PCDHGA7: variants seen among roughly 807,000 people sequenced by gnomAD.
PCDHGA7 encodes the protein protocadherin gamma subfamily A, 7, also known as protocadherin gamma-A7.
A neutral mutation model predicts 58.3 loss-of-function variants in PCDHGA7; 44 were observed. The ratio of observed to expected loss-of-function variants is 0.75; its 90% confidence interval spans 0.59 to 0.97. The LOEUF (loss-of-function observed/expected upper bound fraction) is 0.97. Among genes scored for constraint, PCDHGA7 ranks in the 50% least tolerant of loss-of-function variants. The probability of loss-of-function intolerance (pLI) is 0.00; values close to 1 mark genes in which losing one functional copy is unlikely to be tolerated. For missense variants in PCDHGA7, 1,266 were observed against 1,188.7 expected (o/e 1.06, Z -0.96); for synonymous variants, 516 against 504.2 (o/e 1.02, Z -0.31).
At chr5:141,394,235 G>C (rs1444438979) in intron 1 of PCDHGA7, 1 of 1,613,820 alleles carries the variant, frequency 6.2e-7, no homozygotes, top group South Asian at 1.1e-5. Flanking sequence ...TCTTTTCCTT[G>C]ACTGCACACG....
chr5:141,457,279 G>A (rs948609305), intron 1 of PCDHGA7, among the ~76,000 whole-genome samples: 2 of 152,190 alleles, frequency 1.3e-5, no homozygotes, highest in African/African-American at 4.8e-5. Flanking sequence ...GTGGGCCTAC[G>A]AAGTTCCTTG....
intron 1 of PCDHGA7, among the ~76,000 whole-genome samples, chr5:141,456,572 C>T (rs958661783): frequency 6.6e-6 from 1 of 152,168 alleles, no homozygotes; most frequent in Non-Finnish European, 1.5e-5. Flanking sequence ...CCACATTTTC[C>T]CTGAGCCTGT....
chr5:141,428,744 T>C (rs939886054), intron 1 of PCDHGA7: 10 of 155,306 alleles, frequency 6.4e-5, no homozygotes, highest in African/African-American at 2.4e-4. Context: ...ATATCTACTA[T>C]TGCTTCAGGT....
chr5:141,389,457 G>A, intron 1 of PCDHGA7: 1 of 1,613,220 alleles, frequency 6.2e-7, no homozygotes, highest in Non-Finnish European at 8.5e-7. Context: ...GCAGCTGCGC[G>A]CCTTCGAACT....
rs765263883 is a variant in PCDHGA7 at position 141,491,018 on chromosome 5, C to T, written c.2425-3789C>T. On this transcript the variant is annotated intron_variant, in intron 1 of 3. Coordinates refer to ENST00000518325, the MANE Select transcript of PCDHGA7 (RefSeq NM_018920.4). This position sits in a 1 kb window ranked among gnomAD's most constrained non-coding sequence, Gnocchi z 6.9. The stretch of plus-strand genomic sequence containing the variant: ...CCTGGCTCCTTGGTCACCAAGGTGA[C>T]AGCCGTGGATGCTGATGCAGGCCAC... 1.2e-6 allele frequency: 2 copies of T among 1,614,146 alleles called. No individual in the cohort carries two copies. The highest frequency in any genetic ancestry group is 1.7e-6 in the Non-Finnish European group (2 of 1,180,042).
rs375487349 is a variant in PCDHGA7 at position 141,383,260 on chromosome 5, G to A, written c.361G>A (p.Val121Met). The A allele has an allele frequency of 7.3e-5, 118 of 1,613,782 alleles. 1 individual carries two copies. In the East Asian group the frequency reaches 2.5e-3, roughly 35 times the overall value. Residue 121 changes from valine to methionine, a missense_variant, in exon 1 of 4, where the codon GTG (valine) becomes ATG (methionine). Coordinates refer to ENST00000518325, the MANE Select transcript of PCDHGA7 (RefSeq NM_018920.4). The stretch of plus-strand genomic sequence containing the variant: ...TAAAATGAATCTTTACCCTATAGAC[G>A]TGGAAATAATAGATATTAATGACAA... ...EDKMNLYPID[V>M]EIIDINDNVP...
intron 1 of PCDHGA7, among the ~76,000 whole-genome samples, chr5:141,467,087 C>T (rs1159093881): frequency 3.4e-5 from 5 of 147,240 alleles, no homozygotes; most frequent in African/African-American, 1.3e-4. Context: ...AAGTCTCACT[C>T]TGTCACACAG....
At chr5:141,414,897 C>G in intron 1 of PCDHGA7, 1 of 1,614,230 alleles carries the variant, frequency 6.2e-7, no homozygotes, top group Non-Finnish European at 8.5e-7. Flanking sequence ...TCCCCACAGA[C>G]GGTTCCACAG....
chr5:141,402,610 G>A (rs900326336), intron 1 of PCDHGA7, among the ~76,000 whole-genome samples: 1 of 152,168 alleles, frequency 6.6e-6, no homozygotes, highest in Admixed American at 6.5e-5. Context: ...AAATACAAAT[G>A]CAAGAAACAA....
At chr5:141,473,501 G>C (rs1053399138) in intron 1 of PCDHGA7, among the ~76,000 whole-genome samples, 7 of 152,188 alleles carry the variant, frequency 4.6e-5, no homozygotes, top group African/African-American at 1.7e-4. Context: ...GGTGTTCTGA[G>C]AGAGCATAAC....
intron 1 of PCDHGA7, among the ~76,000 whole-genome samples, chr5:141,446,120 T>C (rs2098489182): frequency 6.6e-6 from 1 of 152,196 alleles, no homozygotes; most frequent in Admixed American, 6.5e-5. Flanking sequence ...AGGAAATGGG[T>C]TCAATAAGAC....
chr5:141,487,356 C>T lies in PCDHGA7; in HGVS notation c.2425-7451C>T. 6.2e-7 allele frequency: 1 copy of T among 1,614,220 alleles called. No individual in the cohort carries two copies. The highest frequency in any genetic ancestry group is 8.5e-7 in the Non-Finnish European group (1 of 1,180,042). ...GCCTGTGGAGTCACATGCTTTCCTG[C>T]TGGCACCTGTGCCTGTCTCACCAGA... On this transcript the variant is annotated intron_variant, in intron 1 of 3. Transcript: ENST00000518325. This position sits in a 1 kb window ranked among gnomAD's most constrained non-coding sequence, Gnocchi z 5.0.
At chr5:141,494,305 C>T (rs544773836) in intron 1 of PCDHGA7, among the ~76,000 whole-genome samples, 1 of 152,346 alleles carries the variant, frequency 6.6e-6, no homozygotes, top group East Asian at 1.9e-4. Context: ...GAATGTGTCA[C>T]TGCACAACCT....
At position 141,490,591 on chromosome 5, in the gene PCDHGA7, G is replaced by A; in HGVS notation, c.2425-4216G>A. 1 of 1,614,100 alleles carries A rather than the reference G, an allele frequency of 6.2e-7. No homozygotes were observed. Among genetic ancestry groups the A allele is most frequent in the African/African-American group, 1.3e-5 (1 of 75,016 alleles). ...CAACATTTCAGATGTCAATGACAAT[G>A]CACCCCGCTTCAACCAGCAGCTTTA... On this transcript the variant is annotated intron_variant, in intron 1 of 3. Coordinates refer to ENST00000518325, the MANE Select transcript of PCDHGA7 (RefSeq NM_018920.4). This position sits in a 1 kb window ranked among gnomAD's most constrained non-coding sequence, Gnocchi z 5.4.
At chr5:141,414,099 A>G in intron 1 of PCDHGA7, 1 of 1,593,504 alleles carries the variant, frequency 6.3e-7, no homozygotes, top group Non-Finnish European at 8.5e-7. Flanking sequence ...TAAAAATATC[A>G]GAAAATCTAG....
At position 141,382,921 on chromosome 5, in the gene PCDHGA7, G is replaced by C. The variant is rs774998092; in HGVS notation, c.22G>C (p.Gly8Arg). ...GACTATGGCGGCTCAGCCGAGGGGCGGGGACTACAGAGGATTCTTCCTGCT... is the reference window on the plus strand; with the variant it reads ...GACTATGGCGGCTCAGCCGAGGGGCCGGGACTACAGAGGATTCTTCCTGCT... MAAQPRG[G>R]DYRGFFLLSI... is the part of the protein sequence containing the mutation. Residue 8 changes from glycine to arginine, a missense_variant, in exon 1 of 4, where the codon GGG becomes CGG. Coordinates refer to ENST00000518325, the MANE Select transcript of PCDHGA7 (RefSeq NM_018920.4). 2.6e-6 allele frequency: 4 copies of C among 1,560,206 alleles called. No individual in the cohort carries two copies. Among genetic ancestry groups the C allele is most frequent in the East Asian group, 2.3e-5 (1 of 44,182 alleles).
intron 1 of PCDHGA7, among the ~76,000 whole-genome samples, chr5:141,430,066 G>C (rs550834063): frequency 6.6e-6 from 1 of 151,984 alleles, no homozygotes; most frequent in Non-Finnish European, 1.5e-5. Flanking sequence ...TCATTTTTAG[G>C]TTTCCATAAT....
At chr5:141,426,937 C>T in intron 1 of PCDHGA7, 1 of 456,736 alleles carries the variant, frequency 2.2e-6, no homozygotes, top group Non-Finnish European at 4.4e-6. Flanking sequence ...ATGGGTGACC[C>T]AGTCCCAACT....
intron 1 of PCDHGA7, chr5:141,399,207 A>T (rs771939823): frequency 1.2e-6 from 2 of 1,613,992 alleles, no homozygotes; most frequent in South Asian, 2.2e-5. Flanking sequence ...TGCCTGGAAC[A>T]CTAATTGCTT....
Sources: gnomAD v4.1 joint callset for allele counts (sites outside exome capture counted in the v4.1 genomes callset) on GRCh38, gnomAD v4.1.1 for gene constraint, Gnocchi (gnomAD v3.1) non-coding constraint, MANE v1.5 for transcripts, NCBI Gene and HGNC (gene_info 2026-07-23, HGNC 2026-07-21) for gene names.